Variants in SMYD3 observed in about 807,000 individuals in gnomAD.
SMYD3 encodes the protein histone-lysine N-methyltransferase SMYD3.
SMYD3 carries 36 observed loss-of-function variants against 57.7 expected under a neutral mutation model. The observed-to-expected ratio is 0.62, with a 90% CI of 0.48 to 0.82. The LOEUF (loss-of-function observed/expected upper bound fraction) is 0.82. SMYD3 is among the 40% of genes least tolerant of loss of function. The pLI is 0.00. For synonymous variants in SMYD3, 211 were observed against 195.0 expected (o/e 1.08, Z -0.68); for missense variants, 515 against 538.8 (o/e 0.96, Z 0.44).
chr1:246,326,339 T>C, intron 5 of SMYD3: 1 of 687,936 alleles, frequency 1.5e-6, no homozygotes. Context: ...GAGGGGGTGT[T>C]TCTGTCATCC....
rs112681070 is a variant in SMYD3, at chr1:246,127,717, G to A, written c.532-197780C>T. ...TCAAGAGCAGCCTAGCCAACATAAC[G>A]AAACCCCATCTCTACTAAAAATACA... On this transcript the variant is annotated intron_variant, in intron 5 of 11. Transcript: ENST00000490107. Among the ~76,000 whole-genome samples, 102 of 152,024 alleles carry A rather than the reference G, an allele frequency of 6.7e-4. 2 individuals are homozygous for A. The highest frequency in any genetic ancestry group is 2.4e-3 in the African/African-American group (99 of 41,486).
intron 1 of SMYD3, among the ~76,000 whole-genome samples, chr1:246,475,662 T>A (rs1476581248): frequency 3.3e-5 from 5 of 151,862 alleles, no homozygotes; most frequent in African/African-American, 1.2e-4. Context: ...TTGCCCAGAG[T>A]GGAGACCAGT....
At chr1:246,366,843 A>G (rs1285055754) in intron 1 of SMYD3, among the ~76,000 whole-genome samples, 1 of 150,838 alleles carries the variant, frequency 6.6e-6, no homozygotes, top group Non-Finnish European at 1.5e-5. Flanking sequence ...GGGCAAGAGA[A>G]TCGCTTGAAC....
chr1:246,015,761 C>G (rs928514811), intron 5 of SMYD3, among the ~76,000 whole-genome samples: 3 of 152,174 alleles, frequency 2.0e-5, no homozygotes, highest in African/African-American at 7.2e-5. Context: ...TAGCATGTGT[C>G]AAAGTTTCCT....
intron 10 of SMYD3, among the ~76,000 whole-genome samples, chr1:245,814,895 C>G (rs866622483): frequency 6.6e-6 from 1 of 151,922 alleles, no homozygotes; most frequent in African/African-American, 2.4e-5. Context: ...CGCATGCACA[C>G]ACACACACTC....
chr1:246,501,073 T>C (rs2068448729), intron 1 of SMYD3, among the ~76,000 whole-genome samples: 1 of 152,236 alleles, frequency 6.6e-6, no homozygotes, highest in Admixed American at 6.5e-5. Flanking sequence ...CGTTCAAGGT[T>C]CTGCTCTTTG....
chr1:245,948,786 C>T (rs1478053814), intron 5 of SMYD3, among the ~76,000 whole-genome samples: 1 of 152,186 alleles, frequency 6.6e-6, no homozygotes, highest in East Asian at 1.9e-4. Context: ...GGCCACCATG[C>T]ACATACAAGT....
intron 8 of SMYD3, among the ~76,000 whole-genome samples, chr1:245,914,936 G>A (rs561966428): frequency 2.0e-4 from 31 of 152,272 alleles, no homozygotes; most frequent in Non-Finnish European, 3.5e-4. Flanking sequence ...GCGGTTATCA[G>A]GGGTTGGGGT....
intron 5 of SMYD3, among the ~76,000 whole-genome samples, chr1:246,139,598 A>G (rs1249196241): frequency 6.6e-6 from 1 of 152,214 alleles, no homozygotes; most frequent in Non-Finnish European, 1.5e-5. Flanking sequence ...TTTGAAACAC[A>G]TTTCTTTAAC....
chr1:245,994,396 G>T (rs10802310), intron 5 of SMYD3, among the ~76,000 whole-genome samples: 1 of 152,038 alleles, frequency 6.6e-6, no homozygotes, highest in South Asian at 2.1e-4. Context: ...TTTAGGTAAA[G>T]GACACACGAT....
At chr1:246,423,155 GGC>G (rs771404102) in intron 1 of SMYD3, among the ~76,000 whole-genome samples, 7 of 151,822 alleles carry the variant, frequency 4.6e-5, no homozygotes, top group Non-Finnish European at 1.0e-4. Flanking sequence ...AAATTAGCCG[GGC>G]ATGGTGGCGC....
At chr1:246,294,934 T>C (rs1321685174) in intron 5 of SMYD3, among the ~76,000 whole-genome samples, 1 of 152,192 alleles carries the variant, frequency 6.6e-6, no homozygotes, top group Admixed American at 6.5e-5. Context: ...TCTTCATATA[T>C]AAGGTGAGAA....
Position 246,100,362 on chromosome 1 carries a change from G to A in SMYD3, c.532-170425C>T, listed in dbSNP as rs116169960. 2.7e-3 allele frequency among the ~76,000 whole-genome samples: 407 copies of A among 152,266 alleles called. 2 individuals are homozygous for A. Among genetic ancestry groups the A allele is most frequent in the Non-Finnish European group, 4.5e-3 (308 of 68,034 alleles). ...GAAAACATGTCAACTGTGACCTGCC[G>A]CTGCCTGGCAGCATGACGAGTCAGA... On this transcript the variant is annotated intron_variant, in intron 5 of 11. Coordinates refer to ENST00000490107, the MANE Select transcript of SMYD3 (RefSeq NM_001167740.2).
intron 5 of SMYD3, among the ~76,000 whole-genome samples, chr1:246,200,538 C>T (rs542351090): frequency 3.4e-4 from 52 of 151,206 alleles, no homozygotes; most frequent in Non-Finnish European, 5.6e-4. Context: ...TGTACACAGA[C>T]ACCCACTGTA....
At chr1:245,999,938 A>T (rs980282773) in intron 5 of SMYD3, among the ~76,000 whole-genome samples, 1 of 152,220 alleles carries the variant, frequency 6.6e-6, no homozygotes, top group African/African-American at 2.4e-5. Context: ...ACCAGGGAAC[A>T]TGCTGGCTAG....
chr1:245,756,799 C>CT (rs34298332), intron 11 of SMYD3, among the ~76,000 whole-genome samples: 69,635 of 141,682 alleles, frequency 0.49, 18,299 homozygotes, highest in African/African-American at 0.7. Context: ...GCTTTTAGGA[C>CT]TTTTTTTTTT....
At chr1:246,072,473 A>C (rs977463105) in intron 5 of SMYD3, among the ~76,000 whole-genome samples, 3 of 152,156 alleles carry the variant, frequency 2.0e-5, no homozygotes, top group Non-Finnish European at 4.4e-5. Flanking sequence ...TGTTAGTTCT[A>C]TCATGTTAGA....
chr1:245,843,538 ATATGTGTGTGTGTGTGTG>A (rs1172385703), intron 10 of SMYD3, among the ~76,000 whole-genome samples: 68 of 74,804 alleles, frequency 9.1e-4, no homozygotes, highest in African/African-American at 5.1e-3. Flanking sequence ...GTGTATATAT[ATATGTGTGTGTGTGTGTG>A]TGTGTGTGTG....
chr1:245,984,023 G>C (rs2058653057), intron 5 of SMYD3, among the ~76,000 whole-genome samples: 1 of 145,626 alleles, frequency 6.9e-6, no homozygotes, highest in Admixed American at 6.9e-5. Flanking sequence ...TTTTTAAATG[G>C]AGTTTCGCTC....
Sources: gnomAD v4.1 joint callset for allele counts (sites outside exome capture counted in the v4.1 genomes callset) on GRCh38, gnomAD v4.1.1 for gene constraint, MANE v1.5 for transcripts, NCBI Gene and HGNC (gene_info 2026-07-23, HGNC 2026-07-21) for gene names.